Variants in ZMYM4 observed in about 807,000 individuals in gnomAD.
The protein encoded by ZMYM4 is zinc finger MYM-type containing 4, also known as zinc finger MYM-type protein 4.
ZMYM4 carries 31 observed loss-of-function variants against 183.2 expected under a neutral mutation model. The observed-to-expected ratio is 0.17, with a 90% confidence interval of 0.13 to 0.23. ZMYM4 has a LOEUF of 0.23. ZMYM4 is among the 10% of genes least tolerant of loss of function. The probability of loss-of-function intolerance (pLI) is 1.00; values close to 1 mark genes in which losing one functional copy is unlikely to be tolerated. For synonymous variants in ZMYM4, 592 were observed against 631.2 expected (o/e 0.94, Z 0.93); for missense variants, 1,273 against 1,840.3 (o/e 0.69, Z 5.64).
At chr1:35,369,471 T>G (rs1291519260) in intron 5 of ZMYM4, among the ~76,000 whole-genome samples, 1 of 152,092 alleles carries the variant, frequency 6.6e-6, no homozygotes, top group African/African-American at 2.4e-5. Flanking sequence ...TAGAAGTAAT[T>G]TTGGAGTAAT....
At chr1:35,383,020 G>C (rs1322709113) in intron 9 of ZMYM4, among the ~76,000 whole-genome samples, 1 of 152,272 alleles carries the variant, frequency 6.6e-6, no homozygotes, top group African/African-American at 2.4e-5. Flanking sequence ...AATTGTTACA[G>C]TAAGGGATTT....
intron 5 of ZMYM4, among the ~76,000 whole-genome samples, chr1:35,364,654 G>T (rs1201037044): frequency 6.6e-6 from 1 of 152,036 alleles, no homozygotes; most frequent in African/African-American, 2.4e-5. Flanking sequence ...TTACAGTTGT[G>T]GTCAGTGTTT....
chr1:35,333,757 T>C (rs996166197), intron 2 of ZMYM4, among the ~76,000 whole-genome samples: 4 of 152,088 alleles, frequency 2.6e-5, no homozygotes, highest in African/African-American at 9.7e-5. Context: ...GTTTTTCTTA[T>C]TTAACAAAAA....
chr1:35,312,639 CT>C (rs1367777573), intron 1 of ZMYM4, among the ~76,000 whole-genome samples: 4 of 151,380 alleles, frequency 2.6e-5, no homozygotes, highest in African/African-American at 9.7e-5. Context: ...TTTTTTCTTT[CT>C]TTTCTTTTTC....
intron 1 of ZMYM4, among the ~76,000 whole-genome samples, chr1:35,284,004 C>G (rs1467317448): frequency 6.6e-6 from 1 of 151,478 alleles, no homozygotes; most frequent in African/African-American, 2.4e-5. Flanking sequence ...GAGTCTCGCT[C>G]TGTCGCCCAG....
intron 26 of ZMYM4, among the ~76,000 whole-genome samples, chr1:35,410,960 G>T (rs1057069849): frequency 6.6e-6 from 1 of 151,756 alleles, no homozygotes; most frequent in African/African-American, 2.4e-5. Flanking sequence ...TATGATTTTA[G>T]CTCTTATATT....
chr1:35,352,689 C>T (rs971501947), intron 2 of ZMYM4, among the ~76,000 whole-genome samples: 5 of 152,172 alleles, frequency 3.3e-5, no homozygotes, highest in Non-Finnish European at 7.4e-5. Flanking sequence ...CTATTTTCTT[C>T]GTTAGCTTCT....
intron 1 of ZMYM4, among the ~76,000 whole-genome samples, chr1:35,273,048 C>T (rs1639696544): frequency 6.6e-6 from 1 of 152,144 alleles, no homozygotes; most frequent in Admixed American, 6.5e-5. Context: ...GGTTAACAAC[C>T]TTAAATTCTA....
intron 1 of ZMYM4, among the ~76,000 whole-genome samples, chr1:35,273,280 AATAC>A (rs1639708434): frequency 6.6e-6 from 1 of 152,138 alleles, no homozygotes; most frequent in Non-Finnish European, 1.5e-5. Flanking sequence ...CACCCACACA[AATAC>A]ATACACACAC....
At chr1:35,329,388 T>C (rs1005148994) in intron 2 of ZMYM4, among the ~76,000 whole-genome samples, 4 of 152,236 alleles carry the variant, frequency 2.6e-5, no homozygotes, top group Non-Finnish European at 5.9e-5. Context: ...TACTAGTTTA[T>C]GTGAAGTTTT....
intron 1 of ZMYM4, among the ~76,000 whole-genome samples, chr1:35,294,509 C>T (rs1002693347): frequency 1.3e-5 from 2 of 152,038 alleles, no homozygotes; most frequent in Admixed American, 6.6e-5. Flanking sequence ...AATATAGAAC[C>T]TTGTTCTATA....
intron 1 of ZMYM4, among the ~76,000 whole-genome samples, chr1:35,315,621 G>T (rs1248839491): frequency 2.0e-5 from 3 of 152,078 alleles, no homozygotes; most frequent in African/African-American, 7.2e-5. Context: ...AGATGTATTT[G>T]CTTCTTTTTT....
intron 23 of ZMYM4, among the ~76,000 whole-genome samples, chr1:35,403,752 GATAGAATTTGTA>G (rs1644953984): frequency 6.6e-6 from 1 of 152,026 alleles, no homozygotes; most frequent in African/African-American, 2.4e-5. Flanking sequence ...CTTTAACTAT[GATAGAATTTGTA>G]TAATTTCTTT....
intron 2 of ZMYM4, among the ~76,000 whole-genome samples, chr1:35,337,644 A>G (rs1474009569): frequency 6.6e-6 from 1 of 152,076 alleles, no homozygotes; most frequent in East Asian, 1.9e-4. Flanking sequence ...CCTTTGTAGC[A>G]TAAAAACAAT....
intron 9 of ZMYM4, 35 bp from the exon 10 acceptor site, chr1:35,385,407 T>C: frequency 6.3e-7 from 1 of 1,581,130 alleles, no homozygotes; most frequent in Non-Finnish European, 8.6e-7. Flanking sequence ...ACTAGGAATT[T>C]GTTAAAAATG....
intron 18 of ZMYM4, among the ~76,000 whole-genome samples, chr1:35,394,694 C>T (rs191651334): frequency 3.7e-4 from 57 of 152,278 alleles, no homozygotes; most frequent in Non-Finnish European, 6.6e-4. Flanking sequence ...AATGTTTCTT[C>T]ATTTGGTATA....
chr1:35,342,505 G>A (rs1643238932), intron 2 of ZMYM4, among the ~76,000 whole-genome samples: 3 of 152,180 alleles, frequency 2.0e-5, no homozygotes, highest in East Asian at 1.9e-4. Context: ...TGTGGGGGAT[G>A]GAAAGTAGCA....
chr1:35,268,907 C>A lies in ZMYM4; in HGVS notation c.-140C>A. 1 of 963,224 alleles carries A rather than the reference C, an allele frequency of 1.0e-6. No homozygotes were observed. The highest frequency in any genetic ancestry group is 1.4e-6 in the Non-Finnish European group (1 of 733,248). The allele number at this position is 963,224 out of a possible 1,614,324, so 59.7% of individuals were successfully genotyped here. On this transcript the variant is annotated 5_prime_UTR_variant, in exon 1 of 30. Transcript: ENST00000314607. ...CGGCGCGCGGCATCCGCCCCCTCCC[C>A]ACTCTCGGCGCAAGGCCCGGCCGGG...
chr1:35,287,422 C>T (rs762486555), intron 1 of ZMYM4, among the ~76,000 whole-genome samples: 4 of 151,682 alleles, frequency 2.6e-5, no homozygotes, highest in Admixed American at 6.6e-5. Flanking sequence ...TTTACTTCTT[C>T]GCTTCTGTTT....
Sources: allele counts gnomAD v4.1 joint callset (sites outside exome capture counted in the v4.1 genomes callset), GRCh38; gene constraint gnomAD v4.1.1; transcripts MANE v1.5; gene names NCBI Gene and HGNC (gene_info 2026-07-23, HGNC 2026-07-21).